The following CNTNAP3B variants were observed in gnomAD, a reference collection of about 807,000 sequenced individuals.
CNTNAP3B encodes the protein contactin associated protein family member 3B.
CNTNAP3B carries 25 observed loss-of-function variants against 108.9 expected under a neutral mutation model. The observed-to-expected ratio is 0.23, with a 90% CI of 0.17 to 0.32. CNTNAP3B has a LOEUF of 0.32. Ranked by LOEUF, CNTNAP3B falls within the 10% of genes least tolerant of loss-of-function variation. CNTNAP3B has a pLI of 1.00. For missense variants in CNTNAP3B, 252 were observed against 1,210.4 expected (o/e 0.21, Z 11.75); for synonymous variants, 103 against 473.4 (o/e 0.22, Z 10.16).
chr9:41,964,599 C>A lies in CNTNAP3B; in HGVS notation c.1695G>T (p.Ser565=), dbSNP rs776376303. The A allele has an allele frequency of 2.6e-6, 4 of 1,544,034 alleles. No homozygotes were observed. The highest frequency in any genetic ancestry group is 3.5e-6 in the Non-Finnish European group (4 of 1,144,756). Residue 565 remains serine, a synonymous_variant, in exon 11 of 24, where the codon TCG becomes TCT. Coordinates refer to ENST00000377561, the MANE Select transcript of CNTNAP3B (RefSeq NM_001201380.3). ...YCEHGGECSQ[S]WDTFSCDCLG... ...GACAGTCACAGGAGAAGGTGTCCCA[C>A]GACTGGGAACACTCGCCCCCATGCT...
intron 14 of CNTNAP3B, among the ~76,000 whole-genome samples, chr9:41,930,695 T>C (rs1409131899): frequency 5.3e-5 from 8 of 152,292 alleles, no homozygotes; most frequent in Non-Finnish European, 1.2e-4. Flanking sequence ...CCATGAGTAT[T>C]AATTATGTGA....
chr9:41,963,972 T>C (rs1447006817), intron 11 of CNTNAP3B, among the ~76,000 whole-genome samples: 17 of 151,608 alleles, frequency 1.1e-4, no homozygotes, highest in Middle Eastern at 3.4e-3. Flanking sequence ...ACAATCATCA[T>C]CACCACCACC....
At chr9:41,954,326 A>G (rs374207377) in intron 12 of CNTNAP3B, among the ~76,000 whole-genome samples, 3 of 150,516 alleles carry the variant, frequency 2.0e-5, no homozygotes, top group Non-Finnish European at 4.5e-5. Flanking sequence ...CAGGATTTTT[A>G]ATGGCTTGGC....
chr9:42,102,788 T>C (rs1828021050), intron 2 of CNTNAP3B, among the ~76,000 whole-genome samples: 1 of 79,938 alleles, frequency 1.3e-5, no homozygotes, highest in South Asian at 4.2e-4. Flanking sequence ...CTAGAGATAA[T>C]CTATAGCCCT....
chr9:41,967,590 C>A (rs931003240), intron 10 of CNTNAP3B, among the ~76,000 whole-genome samples: 1 of 152,404 alleles, frequency 6.6e-6, no homozygotes, highest in South Asian at 2.1e-4. Context: ...TGCTTACAGG[C>A]CTGTTTTCAG....
At chr9:41,936,137 AG>A (rs1426578845) in intron 14 of CNTNAP3B, among the ~76,000 whole-genome samples, 1 of 152,282 alleles carries the variant, frequency 6.6e-6, no homozygotes, top group Non-Finnish European at 1.5e-5. Flanking sequence ...AAAATTAGCC[AG>A]GTGTGGCACT....
chr9:41,943,989 T>C (rs1296661237), intron 13 of CNTNAP3B, among the ~76,000 whole-genome samples: 1 of 152,198 alleles, frequency 6.6e-6, no homozygotes, highest in African/African-American at 2.4e-5. Context: ...ATGAGAATTA[T>C]GCCAGATTTC....
intron 14 of CNTNAP3B, among the ~76,000 whole-genome samples, chr9:41,933,514 C>T (rs1474843551): frequency 4.6e-5 from 7 of 152,256 alleles, no homozygotes; most frequent in Non-Finnish European, 1.0e-4. Context: ...TTCCACAGAA[C>T]TTTACATTTT....
intron 10 of CNTNAP3B, among the ~76,000 whole-genome samples, chr9:41,966,737 G>A (rs1336561280): frequency 7.2e-5 from 11 of 152,316 alleles, no homozygotes; most frequent in South Asian, 2.1e-4. Context: ...GGAGGCTGAC[G>A]CGGGTGGATC....
intron 9 of CNTNAP3B, chr9:41,979,927 G>C (rs1463863945): frequency 3.8e-5 from 5 of 132,496 alleles, no homozygotes; most frequent in Non-Finnish European, 7.6e-5. Context: ...ATATTCTCAG[G>C]GTGTGTTTGA....
chr9:42,046,820 G>A lies in CNTNAP3B; in HGVS notation c.390+30049C>T, dbSNP rs1311263594. The stretch of plus-strand genomic sequence containing the variant: ...ATGGAAGAAAATGCATTGGGTGGGG[G>A]GCTCTAACTACGTACACTTTGAAAA... On this transcript the variant is annotated intron_variant, in intron 3 of 23. Coordinates refer to ENST00000377561, the MANE Select transcript of CNTNAP3B (RefSeq NM_001201380.3). Among the ~76,000 whole-genome samples, 93 of 94,684 alleles carry A rather than the reference G, an allele frequency of 9.8e-4. 31 individuals carry two copies. Among genetic ancestry groups the A allele is most frequent in the Non-Finnish European group, 1.8e-3 (80 of 44,800 alleles). 62.1% of individuals were successfully genotyped at this position (94,684 alleles called of 152,430 possible). A position where few individuals can be genotyped will look rare whatever the true frequency, so the allele number is the denominator to read the frequency against.
chr9:41,959,752 C>T (rs1340333854), intron 12 of CNTNAP3B, among the ~76,000 whole-genome samples: 1 of 152,310 alleles, frequency 6.6e-6, no homozygotes, highest in African/African-American at 2.4e-5. Context: ...TTTAAATGCC[C>T]ATGTAATTTC....
At chr9:42,030,195 A>G (rs879722821) in intron 3 of CNTNAP3B, among the ~76,000 whole-genome samples, 52 of 73,300 alleles carry the variant, frequency 7.1e-4, no homozygotes, top group East Asian at 3.4e-3. Flanking sequence ...AAGTTAAGCT[A>G]AAAAATGATA....
chr9:42,098,022 T>A lies in CNTNAP3B; in HGVS notation c.196+6607A>T, dbSNP rs570849260. Among the ~76,000 whole-genome samples the A allele has an allele frequency of 6.1e-4, 84 of 137,666 alleles. 14 individuals carry two copies. Among genetic ancestry groups the A allele is most frequent in the African/African-American group, 2.4e-3 (84 of 34,668 alleles). 90.3% of individuals were successfully genotyped at this position (137,666 alleles called of 152,430 possible). ...TGTTTCAACAGACAATACACAGAAT[T>A]TGGAAAAACGAGGGAGTGATATCTC... is the stretch of plus-strand genomic sequence containing the variant. On this transcript the variant is annotated intron_variant, in intron 2 of 23. Coordinates refer to ENST00000377561, the MANE Select transcript of CNTNAP3B (RefSeq NM_001201380.3).
At chr9:42,024,679 A>AAAG (rs1245637506) in intron 3 of CNTNAP3B, among the ~76,000 whole-genome samples, 2 of 137,196 alleles carry the variant, frequency 1.5e-5, no homozygotes, top group African/African-American at 2.8e-5. Flanking sequence ...CAAAAAAAAA[A>AAAG]AAAAAGAAAA....
At chr9:41,933,008 C>T (rs1336880969) in intron 14 of CNTNAP3B, among the ~76,000 whole-genome samples, 1 of 152,310 alleles carries the variant, frequency 6.6e-6, no homozygotes, top group Non-Finnish European at 1.5e-5. Context: ...AGTTTCTTCA[C>T]TTTATTTTTC....
chr9:41,930,249 G>A (rs942837892), intron 14 of CNTNAP3B, among the ~76,000 whole-genome samples: 5 of 152,196 alleles, frequency 3.3e-5, no homozygotes, highest in African/African-American at 4.8e-5. Context: ...AGTAGTTCAG[G>A]CAACAAACAC....
chr9:41,939,224 A>T (rs1377935367), intron 13 of CNTNAP3B, among the ~76,000 whole-genome samples: 1 of 152,292 alleles, frequency 6.6e-6, no homozygotes, highest in East Asian at 1.9e-4. Context: ...ACCTATCTTA[A>T]AAAAGGAAAG....
intron 3 of CNTNAP3B, among the ~76,000 whole-genome samples, chr9:42,018,387 G>A (rs1235927290): frequency 3.6e-5 from 5 of 139,074 alleles, no homozygotes; most frequent in African/African-American, 8.6e-5. Flanking sequence ...AGGCCAGACC[G>A]ATCATTCCTT....
Sources: gnomAD v4.1 joint callset for allele counts (sites outside exome capture counted in the v4.1 genomes callset) on GRCh38, gnomAD v4.1.1 for gene constraint, MANE v1.5 for transcripts, NCBI Gene and HGNC (gene_info 2026-07-23, HGNC 2026-07-21) for gene names.